Variants in LRP1B observed in about 807,000 individuals in gnomAD.
LRP1B encodes LDL receptor related protein 1B, also known as low-density lipoprotein receptor-related protein 1B.
Under a neutral mutation model 556.6 loss-of-function variants are expected in LRP1B, and 217 were observed. The observed-to-expected ratio is 0.39, with a 90% CI of 0.35 to 0.44. The LOEUF is 0.44. Ranked by LOEUF, LRP1B falls within the 20% of genes least tolerant of loss-of-function variation. LRP1B has a pLI of 1.00. For missense variants in LRP1B, 5,053 were observed against 5,620.8 expected (o/e 0.90, Z 3.23); for synonymous variants, 2,047 against 1,865.8 (o/e 1.10, Z -2.50).
At chr2:141,566,651 A>T (rs1215794456) in intron 2 of LRP1B, among the ~76,000 whole-genome samples, 1 of 152,192 alleles carries the variant, frequency 6.6e-6, no homozygotes, top group African/African-American at 2.4e-5. Flanking sequence ...CTCATCTAAG[A>T]AATGGAAATA....
At position 141,558,970 on chromosome 2, in the gene LRP1B, T is replaced by C. The variant is rs1339928688; in HGVS notation, c.206-78437A>G. ...ACAGACCAGAGTATCTTTTTGTCAA[T>C]AGTCTTGCTCCTAACTTTAGCCTTA... On this transcript the variant is annotated intron_variant, in intron 2 of 90. Coordinates refer to ENST00000389484, the MANE Select transcript of LRP1B (RefSeq NM_018557.3). 2.6e-5 allele frequency among the ~76,000 whole-genome samples: 4 copies of C among 151,632 alleles called. No homozygotes were observed. In the Admixed American group the frequency reaches 2.6e-4, roughly 10 times the overall value.
At chr2:141,960,588 TC>T (rs1168538119) in intron 1 of LRP1B, among the ~76,000 whole-genome samples, 1 of 151,874 alleles carries the variant, frequency 6.6e-6, no homozygotes, top group East Asian at 1.9e-4. Context: ...ATTTGCATCT[TC>T]TAAAATGCTT....
intron 11 of LRP1B, among the ~76,000 whole-genome samples, chr2:141,042,602 A>T (rs1474405): frequency 2.6e-5 from 4 of 151,842 alleles, no homozygotes; most frequent in Admixed American, 6.6e-5. Context: ...TGTAACTTTG[A>T]GAAAAGACTT....
chr2:140,367,039 ATCT>A (rs1423108928), intron 71 of LRP1B, among the ~76,000 whole-genome samples: 1 of 151,696 alleles, frequency 6.6e-6, no homozygotes, highest in Non-Finnish European at 1.5e-5. Flanking sequence ...AGTGAAACAA[ATCT>A]TCTGTTTTGG....
In LRP1B at chr2:140,442,443, T is replaced by C. The variant is rs918371336; in HGVS notation, c.10414+61A>G. The C allele has an allele frequency of 7.7e-6, 12 of 1,562,160 alleles. No individual in the cohort carries two copies. The Middle Eastern group carries it at 5.1e-4, about 67-fold the overall frequency. Reference sequence around the variant, plus strand: ...AATTGTGTTCAAATTTGTTTAACTGTGGTTGTCGCAGATGATGACTCAAAT... The same window carrying C: ...AATTGTGTTCAAATTTGTTTAACTGCGGTTGTCGCAGATGATGACTCAAAT... On this transcript the variant is annotated intron_variant, in intron 66 of 90. Coordinates refer to ENST00000389484, the MANE Select transcript of LRP1B (RefSeq NM_018557.3).
chr2:141,769,495 G>A (rs1558863492), intron 2 of LRP1B, among the ~76,000 whole-genome samples: 1 of 152,146 alleles, frequency 6.6e-6, no homozygotes, highest in Non-Finnish European at 1.5e-5. Flanking sequence ...GTACAGGTGT[G>A]GTGTTGGTTC....
At chr2:141,770,407 C>A (rs944820440) in intron 2 of LRP1B, among the ~76,000 whole-genome samples, 2 of 152,124 alleles carry the variant, frequency 1.3e-5, no homozygotes, top group African/African-American at 4.8e-5. Flanking sequence ...TTGTATTTGA[C>A]AAATGTCATG....
At chr2:141,904,647 C>G (rs1307706006) in intron 1 of LRP1B, among the ~76,000 whole-genome samples, 1 of 151,786 alleles carries the variant, frequency 6.6e-6, no homozygotes, top group African/African-American at 2.4e-5. Flanking sequence ...GTGACATGAA[C>G]TAAATGGTAT....
chr2:141,054,282 G>A (rs763118317), intron 10 of LRP1B, among the ~76,000 whole-genome samples: 1 of 151,786 alleles, frequency 6.6e-6, no homozygotes, highest in Non-Finnish European at 1.5e-5. Context: ...TATGACAAAG[G>A]TAAAGACAAA....
At chr2:141,761,053 C>T (rs1030345869) in intron 2 of LRP1B, among the ~76,000 whole-genome samples, 4 of 152,128 alleles carry the variant, frequency 2.6e-5, no homozygotes, top group African/African-American at 9.7e-5. Flanking sequence ...ATCCTGAAAT[C>T]TGTAACATGA....
chr2:140,446,377 G>T (rs145081620), intron 63 of LRP1B, among the ~76,000 whole-genome samples: 1 of 152,078 alleles, frequency 6.6e-6, no homozygotes, highest in African/African-American at 2.4e-5. Context: ...TGATGCCAGA[G>T]AATTTTGATG....
Position 141,097,025 on chromosome 2 carries a change from A to G in LRP1B, c.1014-34752T>C, listed in dbSNP as rs577858394. On this transcript the variant is annotated intron_variant, in intron 7 of 90. Transcript: ENST00000389484. ...TGCTAGTCGCTTTTTGAGGATAGGC[A>G]CATTGGTAAAGTATTAAAATCCTGA... Among the ~76,000 whole-genome samples, 14 of 152,346 alleles carry G rather than the reference A, an allele frequency of 9.2e-5. No individual in the cohort carries two copies. The South Asian group carries it at 2.7e-3, about 29-fold the overall frequency.
intron 2 of LRP1B, among the ~76,000 whole-genome samples, chr2:141,538,141 T>C (rs993343188): frequency 6.6e-6 from 1 of 152,132 alleles, no homozygotes; most frequent in East Asian, 1.9e-4. Flanking sequence ...CATAGGATCC[T>C]GATGTCTTTG....
intron 21 of LRP1B, among the ~76,000 whole-genome samples, chr2:140,919,894 T>TTTA (rs1694686274): frequency 1.3e-5 from 2 of 152,114 alleles, no homozygotes. Context: ...TACACAACCA[T>TTTA]TTATTACCAT....
chr2:140,696,888 T>G lies in LRP1B; in HGVS notation c.6799+3362A>C, dbSNP rs562950423. 2.6e-5 allele frequency among the ~76,000 whole-genome samples: 4 copies of G among 152,270 alleles called. No homozygotes were observed. The East Asian group carries it at 7.7e-4, about 29-fold the overall frequency. On this transcript the variant is annotated intron_variant, in intron 41 of 90. Coordinates refer to ENST00000389484, the MANE Select transcript of LRP1B (RefSeq NM_018557.3). ...GGTTGAGGACCACTGTCCTAAATGA[T>G]CCACAAATGTGTCACAAATACAGTA... is the stretch of plus-strand genomic sequence containing the variant.
At chr2:140,711,231 C>A (rs961911) in intron 37 of LRP1B, among the ~76,000 whole-genome samples, 7,148 of 152,022 alleles carry the variant, frequency 0.047, 253 homozygotes, top group South Asian at 0.094. Flanking sequence ...ATTGCTTTAC[C>A]ACTGGCTGGC....
intron 2 of LRP1B, among the ~76,000 whole-genome samples, chr2:141,572,438 T>A (rs905470254): frequency 6.6e-6 from 1 of 151,942 alleles, no homozygotes; most frequent in Non-Finnish European, 1.5e-5. Context: ...AAGCACTAAA[T>A]ATGGAAAGGA....
intron 43 of LRP1B, among the ~76,000 whole-genome samples, chr2:140,542,438 T>C (rs1680172331): frequency 1.3e-5 from 2 of 152,096 alleles, no homozygotes; most frequent in African/African-American, 4.8e-5. Flanking sequence ...ACTAAACTAG[T>C]TGCACATGTC....
rs145356360 is a variant in LRP1B, at chr2:141,238,447, G to A, written c.592+8779C>T. On this transcript the variant is annotated intron_variant, in intron 5 of 90. Transcript: ENST00000389484. ...GCCACATTTAATATGGCTCCTAAAA[G>A]GGAAATACTGCCTCAGTATTTGAAT... 3.9e-4 allele frequency among the ~76,000 whole-genome samples: 59 copies of A among 152,204 alleles called. 1 individual carries two copies. The East Asian group carries it at 8.7e-3, about 22-fold the overall frequency.
Sources: allele counts gnomAD v4.1 joint callset (sites outside exome capture counted in the v4.1 genomes callset), GRCh38; gene constraint gnomAD v4.1.1; transcripts MANE v1.5; gene names NCBI Gene and HGNC (gene_info 2026-07-23, HGNC 2026-07-21).